Variants in NEGR1 observed in about 807,000 individuals in gnomAD.
The protein encoded by NEGR1 is neuronal growth regulator 1.
A neutral mutation model predicts 40.9 loss-of-function variants in NEGR1; 10 were observed. The ratio of observed to expected loss-of-function variants is 0.24; its 90% CI spans 0.15 to 0.42. NEGR1 has a LOEUF of 0.42. Among genes scored for constraint, NEGR1 ranks in the 10% least tolerant of loss-of-function variants. The pLI, the probability that NEGR1 is intolerant of heterozygous loss-of-function variation, is 1.00. For synonymous variants in NEGR1, 185 were observed against 166.8 expected, an observed-to-expected ratio of 1.11 and a Z score of -0.84; for missense variants, 352 against 438.9, an observed-to-expected ratio of 0.80 and a Z score of 1.77.
At chr1:72,076,699 C>T (rs184292255) in intron 1 of NEGR1, among the ~76,000 whole-genome samples, 2 of 151,578 alleles carry the variant, frequency 1.3e-5, no homozygotes, top group Non-Finnish European at 2.9e-5. Flanking sequence ...TGTGTACATA[C>T]ATATATACAC....
At chr1:71,510,916 G>T (rs57519520) in intron 6 of NEGR1, among the ~76,000 whole-genome samples, 3,044 of 152,290 alleles carry the variant, frequency 0.02, 92 homozygotes, top group African/African-American at 0.07. Context: ...AGACTGGAAG[G>T]TTGGTACATT....
rs886258368 is a variant in NEGR1 at position 72,012,803 on chromosome 1, G to GTA, written c.177-77494_177-77493dup. On this transcript the variant is annotated intron_variant, in intron 1 of 6. Coordinates refer to ENST00000357731, the MANE Select transcript of NEGR1 (RefSeq NM_173808.3). ...TTGTTAACATTAGTAATGTGTGTGTGTATATATATATATACACACACACAC... is the reference window on the plus strand; with the variant it reads ...TTGTTAACATTAGTAATGTGTGTGTGTATATATATATATATACACACACACAC... Among the ~76,000 whole-genome samples the GTA allele has an allele frequency of 1.2e-3, 162 of 132,906 alleles. 1 individual carries two copies. The highest frequency in any genetic ancestry group is 4.8e-3 in the Middle Eastern group (1 of 208). 87.2% of individuals were successfully genotyped at this position (132,906 alleles called of 152,430 possible). A position where few individuals can be genotyped will look rare whatever the true frequency, so the allele number is the denominator to read the frequency against.
intron 1 of NEGR1, among the ~76,000 whole-genome samples, chr1:72,140,165 T>C (rs760158980): frequency 6.6e-6 from 1 of 152,120 alleles, no homozygotes; most frequent in Admixed American, 6.6e-5. Flanking sequence ...TGTCACTCTA[T>C]CAATTTCCTA....
chr1:71,475,446 T>C (rs1296005497), intron 6 of NEGR1, among the ~76,000 whole-genome samples: 1 of 152,092 alleles, frequency 6.6e-6, no homozygotes, highest in East Asian at 1.9e-4. Context: ...TCTGAGATTT[T>C]TGTGATAATA....
At chr1:71,638,719 A>G (rs1231374688) in intron 4 of NEGR1, among the ~76,000 whole-genome samples, 1 of 152,076 alleles carries the variant, frequency 6.6e-6, no homozygotes, top group Non-Finnish European at 1.5e-5. Context: ...TCTTATGGAT[A>G]GTAAACCTTT....
At chr1:71,482,303 G>C (rs975842) in intron 6 of NEGR1, among the ~76,000 whole-genome samples, 38,483 of 151,562 alleles carry the variant, frequency 0.25, 5,225 homozygotes, top group East Asian at 0.48. Context: ...GAGTTGATGA[G>C]AAACATCTAG....
intron 1 of NEGR1, among the ~76,000 whole-genome samples, chr1:71,944,414 CT>C (rs1645999237): frequency 1.3e-5 from 2 of 152,096 alleles, no homozygotes; most frequent in African/African-American, 4.8e-5. Flanking sequence ...GTACATACAC[CT>C]TATCCCTAAA....
chr1:71,823,368 A>C (rs1291143978), intron 2 of NEGR1, among the ~76,000 whole-genome samples: 1 of 151,964 alleles, frequency 6.6e-6, no homozygotes, highest in Non-Finnish European at 1.5e-5. Context: ...CACCATATCC[A>C]TGATAACCTT....
At chr1:71,559,595 G>A (rs1408950928) in intron 6 of NEGR1, among the ~76,000 whole-genome samples, 1 of 151,508 alleles carries the variant, frequency 6.6e-6, no homozygotes, top group Non-Finnish European at 1.5e-5. Flanking sequence ...CTGCGACATA[G>A]TTCTTTCACC....
intron 5 of NEGR1, among the ~76,000 whole-genome samples, chr1:71,603,762 A>G (rs1649994583): frequency 6.6e-6 from 1 of 152,186 alleles, no homozygotes; most frequent in Non-Finnish European, 1.5e-5. Context: ...TTGTATTCTT[A>G]TCTCATTTTT....
At chr1:71,799,351 A>G (rs548472232) in intron 2 of NEGR1, among the ~76,000 whole-genome samples, 91 of 152,288 alleles carry the variant, frequency 6.0e-4, no homozygotes, top group African/African-American at 2.1e-3. Flanking sequence ...AGCTTCATCC[A>G]TGTTCCTGCA....
chr1:71,565,574 G>T (rs987838369), intron 6 of NEGR1, among the ~76,000 whole-genome samples: 5 of 152,116 alleles, frequency 3.3e-5, no homozygotes, highest in Non-Finnish European at 7.3e-5. Context: ...ACAAGTATTG[G>T]CATGCAGACA....
chr1:71,900,960 G>A (rs1217959088), intron 2 of NEGR1, among the ~76,000 whole-genome samples: 1 of 152,120 alleles, frequency 6.6e-6, no homozygotes, highest in East Asian at 1.9e-4. Flanking sequence ...ATACTAAGCA[G>A]TGTTAAAACT....
At chr1:71,706,557 G>T (rs1437039387) in intron 3 of NEGR1, among the ~76,000 whole-genome samples, 3 of 124,860 alleles carry the variant, frequency 2.4e-5, no homozygotes, top group African/African-American at 9.0e-5. Context: ...TGCCACAGTT[G>T]CTGCTCCAAA....
At chr1:71,481,591 G>A (rs1646854200) in intron 6 of NEGR1, among the ~76,000 whole-genome samples, 1 of 151,720 alleles carries the variant, frequency 6.6e-6, no homozygotes, top group Non-Finnish European at 1.5e-5. Flanking sequence ...ATTTTTATAC[G>A]AATAGTCTAG....
At chr1:71,738,599 G>A (rs573124816) in intron 3 of NEGR1, among the ~76,000 whole-genome samples, 2 of 152,182 alleles carry the variant, frequency 1.3e-5, no homozygotes, top group East Asian at 3.9e-4. Flanking sequence ...ACCCTTATAT[G>A]TTGCCCTGCT....
intron 3 of NEGR1, among the ~76,000 whole-genome samples, chr1:71,708,458 A>G (rs892705674): frequency 6.6e-6 from 1 of 152,100 alleles, no homozygotes; most frequent in Non-Finnish European, 1.5e-5. Context: ...TGCAATCCCT[A>G]TCAAAATACC....
At chr1:71,766,621 C>T (rs1222594911) in intron 3 of NEGR1, among the ~76,000 whole-genome samples, 2 of 152,268 alleles carry the variant, frequency 1.3e-5, no homozygotes, top group East Asian at 1.9e-4. Context: ...TAAATAGCCA[C>T]AAATAAGTGA....
chr1:71,989,434 G>A (rs1646431124), intron 1 of NEGR1, among the ~76,000 whole-genome samples: 1 of 152,216 alleles, frequency 6.6e-6, no homozygotes, highest in Non-Finnish European at 1.5e-5. Context: ...TAATGAGCCA[G>A]TAAGTGATCC....
Sources: gnomAD v4.1 joint callset for allele counts (sites outside exome capture counted in the v4.1 genomes callset) on GRCh38, gnomAD v4.1.1 for gene constraint, MANE v1.5 for transcripts, NCBI Gene and HGNC (gene_info 2026-07-23, HGNC 2026-07-21) for gene names.